LIPM: variants seen among roughly 807,000 people sequenced by gnomAD.
LIPM encodes the protein lipase family member M.
A neutral mutation model predicts 42.4 loss-of-function variants in LIPM; 42 were observed. The ratio of observed to expected loss-of-function variants is 0.99; its 90% CI spans 0.77 to 1.28. LIPM has a LOEUF of 1.28. Ranked by LOEUF, LIPM falls within the 50% of genes most tolerant of loss-of-function variation. The pLI, the probability that LIPM is intolerant of heterozygous loss-of-function variation, is 0.00. For synonymous variants in LIPM, 177 were observed against 173.3 expected (o/e 1.02, Z -0.17); for missense variants, 524 against 520.1 (o/e 1.01, Z -0.07).
rs1843625568 is a variant in LIPM, at chr10:88,809,247, G to A, written c.265+832G>A. On this transcript the variant is annotated intron_variant, in intron 2 of 8. Coordinates refer to ENST00000404743, the MANE Select transcript of LIPM (RefSeq NM_001128215.1). ...TGGGATTACAGGCATGAGCCACCGCGCCTGGCTATACATACATTTTAAATG... is the reference window on the plus strand; with the variant it reads ...TGGGATTACAGGCATGAGCCACCGCACCTGGCTATACATACATTTTAAATG... Among the ~76,000 whole-genome samples the A allele has an allele frequency of 2.6e-5, 4 of 152,170 alleles. No individual in the cohort carries two copies. The South Asian group carries it at 6.2e-4, about 24-fold the overall frequency.
At chr10:88,804,474 G>C (rs145213172) in intron 1 of LIPM, among the ~76,000 whole-genome samples, 47 of 152,262 alleles carry the variant, frequency 3.1e-4, no homozygotes, top group African/African-American at 1.1e-3. Context: ...AATAAAAGTA[G>C]TTGCAAGTTT....
intron 6 of LIPM, 54 bp downstream of exon 6, chr10:88,815,557 A>G: frequency 6.7e-7 from 1 of 1,500,466 alleles, no homozygotes; most frequent in Non-Finnish European, 9.0e-7. Context: ...TGGGAGTCAT[A>G]TGGCTCACCC....
chr10:88,812,836 T>C (rs1368092603), intron 2 of LIPM, among the ~76,000 whole-genome samples: 1 of 152,232 alleles, frequency 6.6e-6, no homozygotes, highest in Non-Finnish European at 1.5e-5. Flanking sequence ...AGTTAAACTT[T>C]ATAGATTCTT....
chr10:88,818,429 G>A (rs1040417695), intron 8 of LIPM, among the ~76,000 whole-genome samples: 5 of 152,148 alleles, frequency 3.3e-5, no homozygotes, highest in African/African-American at 4.8e-5. Context: ...ATTCTCCCTA[G>A]TTATACTTTA....
rs770456271 is a variant in LIPM at position 88,813,326 on chromosome 10, C to T, written c.464+31C>T. The T allele has an allele frequency of 3.4e-6, 5 of 1,469,516 alleles. No individual in the cohort carries two copies. In the South Asian group the frequency reaches 5.5e-5, roughly 16 times the overall value. 91.0% of individuals were successfully genotyped at this position (1,469,516 alleles called of 1,614,324 possible). A position where few individuals can be genotyped will look rare whatever the true frequency, so the allele number is the denominator to read the frequency against. ...TGATAATCTCGAGAACAGAGGTAGACATGTCTGTCTTTCAAAAAAAATGGG... is the reference window on the plus strand; with the variant it reads ...TGATAATCTCGAGAACAGAGGTAGATATGTCTGTCTTTCAAAAAAAATGGG... On this transcript the variant is annotated intron_variant, in intron 3 of 8. Coordinates refer to ENST00000404743, the MANE Select transcript of LIPM (RefSeq NM_001128215.1).
chr10:88,810,247 C>T (rs1482110348), intron 2 of LIPM, among the ~76,000 whole-genome samples: 3 of 152,070 alleles, frequency 2.0e-5, no homozygotes, highest in Admixed American at 6.6e-5. Flanking sequence ...GGACACAGCC[C>T]CACGAATCTC....
chr10:88,814,304 C>T (rs1380854171), intron 3 of LIPM, among the ~76,000 whole-genome samples: 1 of 152,126 alleles, frequency 6.6e-6, no homozygotes, highest in Non-Finnish European at 1.5e-5. Flanking sequence ...GTTATTGCTA[C>T]GTGATAACAT....
intron 6 of LIPM, among the ~76,000 whole-genome samples, chr10:88,815,813 G>A (rs1368504147): frequency 6.6e-6 from 1 of 152,170 alleles, no homozygotes; most frequent in Non-Finnish European, 1.5e-5. Context: ...CAACTGTCAT[G>A]CATCATCCAC....
rs974141137 is a variant in LIPM, at chr10:88,808,805, C to T, written c.265+390C>T. Among the ~76,000 whole-genome samples, 12 of 152,178 alleles carry T rather than the reference C, an allele frequency of 7.9e-5. No homozygotes were observed. The East Asian group carries it at 1.2e-3, about 15-fold the overall frequency. ...AAGCTTCTTTATGGCACCTGGTACCCGCTCCTGTATACTCTGTATTCCTCA... is the reference window on the plus strand; with the variant it reads ...AAGCTTCTTTATGGCACCTGGTACCTGCTCCTGTATACTCTGTATTCCTCA... On this transcript the variant is annotated intron_variant, in intron 2 of 8. Transcript: ENST00000404743.
At position 88,809,887 on chromosome 10, in the gene LIPM, A is replaced by C. The variant is rs1345872260; in HGVS notation, c.265+1472A>C. On this transcript the variant is annotated intron_variant, in intron 2 of 8. Coordinates refer to ENST00000404743, the MANE Select transcript of LIPM (RefSeq NM_001128215.1). ...ATTTCTCCCTCTGGACCACTGTTTCATCAGATGTCTATGCAGCTTGCCTTG... is the reference window on the plus strand; with the variant it reads ...ATTTCTCCCTCTGGACCACTGTTTCCTCAGATGTCTATGCAGCTTGCCTTG... Among the ~76,000 whole-genome samples, 3 of 152,082 alleles carry C rather than the reference A, an allele frequency of 2.0e-5. No individual in the cohort carries two copies. The East Asian group carries it at 5.8e-4, about 29-fold the overall frequency.
chr10:88,811,214 A>G (rs1212093352), intron 2 of LIPM, among the ~76,000 whole-genome samples: 4 of 152,236 alleles, frequency 2.6e-5, no homozygotes, highest in Non-Finnish European at 4.4e-5. Context: ...GTCGGGCAGC[A>G]TGCTGAGTGC....
intron 6 of LIPM, among the ~76,000 whole-genome samples, chr10:88,815,735 T>C (rs946567463): frequency 1.3e-5 from 2 of 152,172 alleles, no homozygotes. Context: ...ATGGAAGAGG[T>C]CTGAAAGCAG....
intron 6 of LIPM, among the ~76,000 whole-genome samples, chr10:88,816,570 A>T (rs1475485709): frequency 2.6e-5 from 4 of 152,044 alleles, no homozygotes; most frequent in African/African-American, 7.2e-5. Flanking sequence ...CACTAGTAAA[A>T]TTTTTTTTAA....
intron 6 of LIPM, 47 bp downstream of exon 6, chr10:88,815,550 G>A (rs752975955): frequency 6.5e-7 from 1 of 1,527,114 alleles, no homozygotes; most frequent in Admixed American, 2.0e-5. Flanking sequence ...ATAAAGCTGG[G>A]AGTCATATGG....
At chr10:88,815,305 A>G in intron 5 of LIPM, 52 bp from the exon 6 acceptor site, 2 of 1,547,548 alleles carry the variant, frequency 1.3e-6, no homozygotes, top group Admixed American at 2.0e-5. Flanking sequence ...CTTTTAAATT[A>G]CAGTCACATC....
chr10:88,806,754 G>A (rs1018204389), intron 1 of LIPM, among the ~76,000 whole-genome samples: 8 of 152,062 alleles, frequency 5.3e-5, no homozygotes, highest in South Asian at 2.1e-4. Flanking sequence ...GCGCGATCTT[G>A]GCTCACTGTA....
rs1313753095 is a variant in LIPM, at chr10:88,817,997, A to G, written c.1002+101A>G. On this transcript the variant is annotated intron_variant, in intron 8 of 8. Coordinates refer to ENST00000404743, the MANE Select transcript of LIPM (RefSeq NM_001128215.1). ...ATTCTAGATATGGGAATAAAATATG[A>G]AAATTTAAGCAGAAAATAATGGTTC... 4 of 946,606 alleles carry G rather than the reference A, an allele frequency of 4.2e-6. No individual in the cohort carries two copies. The African/African-American group carries it at 6.6e-5, about 16-fold the overall frequency. The allele number at this position is 946,606 out of a possible 1,614,324, so 58.6% of individuals were successfully genotyped here. A position where few individuals can be genotyped will look rare whatever the true frequency, so the allele number is the denominator to read the frequency against.
chr10:88,816,951 AG>A (rs1299441825), intron 7 of LIPM, 64 bp downstream of exon 7: 1 of 1,204,778 alleles, frequency 8.3e-7, no homozygotes, highest in Non-Finnish European at 1.2e-6. Flanking sequence ...GAATAGTCAA[AG>A]GACACCATTT....
chr10:88,806,309 A>G (rs1564594919), intron 1 of LIPM, among the ~76,000 whole-genome samples: 1 of 152,024 alleles, frequency 6.6e-6, no homozygotes, highest in African/African-American at 2.4e-5. Context: ...GCCCAGTTCA[A>G]ATTCTTCCTC....
Sources: allele counts gnomAD v4.1 joint callset (sites outside exome capture counted in the v4.1 genomes callset), GRCh38; gene constraint gnomAD v4.1.1; transcripts MANE v1.5; gene names NCBI Gene and HGNC (gene_info 2026-07-23, HGNC 2026-07-21).